The following NUP107 variants were observed in gnomAD, a reference collection of about 807,000 sequenced individuals.
NUP107 encodes nuclear pore complex protein Nup107.
NUP107 carries 101 observed loss-of-function variants against 141.0 expected under a neutral mutation model. The observed-to-expected ratio is 0.72, with a 90% CI of 0.61 to 0.84. The LOEUF is 0.84. Ranked by LOEUF, NUP107 falls within the 40% of genes least tolerant of loss-of-function variation. The pLI, the probability that NUP107 is intolerant of heterozygous loss-of-function variation, is 0.00. For synonymous variants in NUP107, 319 were observed against 363.9 expected, an observed-to-expected ratio of 0.88 and a Z score of 1.41; for missense variants, 941 against 1,102.7, an observed-to-expected ratio of 0.85 and a Z score of 2.08.
At chr12:68,709,687 G>A (rs775501894) in intron 9 of NUP107, among the ~76,000 whole-genome samples, 9 of 151,816 alleles carry the variant, frequency 5.9e-5, no homozygotes, top group South Asian at 2.1e-4. Context: ...TCAGGAGATC[G>A]AGACCATCTG....
At position 68,696,840 on chromosome 12, in the gene NUP107, A is replaced by G; in HGVS notation, c.470A>G (p.Asp157Gly). The change falls in exon 6 of 28, where the codon GAT (aspartate) becomes GGT (glycine). Residue 157 changes from aspartate to glycine, a missense_variant. Physicochemically the swap from Asp to Gly is moderately conservative, Grantham distance 94 (BLOSUM62 -1). Coordinates refer to ENST00000229179, the MANE Select transcript of NUP107 (RefSeq NM_020401.4). ...GEAASMSMFSDFLQSFLKHSS... is the reference protein window; with the variant it reads ...GEAASMSMFSGFLQSFLKHSS... ...CTAGCATCCATGAGTATGTTTTCTG[A>G]TTTCCTGCAGTCTTTTCTGAAGCAC... The G allele has an allele frequency of 3.2e-6, 5 of 1,586,482 alleles. No homozygotes were observed. The highest frequency in any genetic ancestry group is 3.4e-6 in the Non-Finnish European group (4 of 1,168,562).
intron 8 of NUP107, among the ~76,000 whole-genome samples, chr12:68,708,661 C>T (rs1169563465): frequency 6.6e-6 from 1 of 151,856 alleles, no homozygotes; most frequent in Non-Finnish European, 1.5e-5. Flanking sequence ...ACTCTGTCAC[C>T]CAGGCTGGAG....
intron 26 of NUP107, among the ~76,000 whole-genome samples, chr12:68,736,583 T>TTTTG (rs199530439): frequency 6.6e-6 from 1 of 151,862 alleles, no homozygotes; most frequent in East Asian, 1.9e-4. Flanking sequence ...TGCCTGGCTT[T>TTTTG]TTTGTTTGTT....
chr12:68,696,222 G>C (rs1455887714), intron 5 of NUP107, among the ~76,000 whole-genome samples: 1 of 151,838 alleles, frequency 6.6e-6, no homozygotes, highest in African/African-American at 2.4e-5. Context: ...CAAGTTGGCT[G>C]GGCATGGTGG....
In NUP107 at chr12:68,689,016, G is replaced by T. The variant is rs915549554; in HGVS notation, c.63G>T (p.Arg21=). The change falls in exon 2 of 28, where the codon CGG becomes CGT. Residue 21 remains arginine (R), a synonymous_variant. Coordinates refer to ENST00000229179, the MANE Select transcript of NUP107 (RefSeq NM_020401.4). ...TAATCCGGGAGGCAGAGGTGACACG[G>T]ACTGCACGGAAACAGAGTGCTCAGA... ...SPVIREAEVT[R]TARKQSAQKR... The T allele has an allele frequency of 1.3e-5, 21 of 1,613,662 alleles. No individual in the cohort carries two copies. In the African/African-American group the frequency reaches 2.8e-4, roughly 22 times the overall value.
At chr12:68,727,273 T>C in intron 19 of NUP107, 78 bp from the exon 20 acceptor site, 1 of 717,640 alleles carries the variant, frequency 1.4e-6, no homozygotes, top group East Asian at 2.6e-5. Flanking sequence ...AATTATTTAA[T>C]AATGGAATTT....
At chr12:68,723,262 C>G (rs1877427959) in intron 17 of NUP107, among the ~76,000 whole-genome samples, 1 of 151,930 alleles carries the variant, frequency 6.6e-6, no homozygotes, top group Non-Finnish European at 1.5e-5. Flanking sequence ...CCCAGCTCCT[C>G]CAGAGGCTGA....
At position 68,726,551 on chromosome 12, in the gene NUP107, T is replaced by G. The variant is rs1877572048; in HGVS notation, c.1629T>G (p.Pro543=). Residue 543 remains proline (P), a synonymous_variant, in exon 19 of 28, where the codon CCT becomes CCG. Transcript: ENST00000229179. ...KWLSKSRNNL[P]GHLLRFMTHL... ...TTTCCAAAAGCAGAAACAATCTACCTGGACACCTGCTTCGCTTTATGACTC... is the reference window on the plus strand; with the variant it reads ...TTTCCAAAAGCAGAAACAATCTACCGGGACACCTGCTTCGCTTTATGACTC... 3 of 1,614,088 alleles carry G rather than the reference T, an allele frequency of 1.9e-6. No individual in the cohort carries two copies. The highest frequency in any genetic ancestry group is 2.5e-6 in the Non-Finnish European group (3 of 1,179,984).
At chr12:68,699,157 G>C (rs1382314136) in intron 6 of NUP107, among the ~76,000 whole-genome samples, 1 of 152,060 alleles carries the variant, frequency 6.6e-6, no homozygotes, top group Non-Finnish European at 1.5e-5. Flanking sequence ...GATTACCTTA[G>C]GTCAGGAGTT....
At chr12:68,705,486 G>A (rs1876532511) in intron 8 of NUP107, 1 of 259,538 alleles carries the variant, frequency 3.9e-6, no homozygotes, top group Non-Finnish European at 7.6e-6. Context: ...TTATATGTGG[G>A]TTCCACATCC....
chr12:68,733,732 T>A, intron 24 of NUP107, 120 bp downstream of exon 24: 1 of 902,552 alleles, frequency 1.1e-6, no homozygotes, highest in Non-Finnish European at 1.7e-6. Flanking sequence ...CTTGTGACTA[T>A]AGTGCTGACT....
In NUP107 at chr12:68,739,564, G is replaced by A. The variant is rs758875276; in HGVS notation, c.2503-2249G>A. 2.6e-5 allele frequency among the ~76,000 whole-genome samples: 4 copies of A among 152,206 alleles called. No individual in the cohort carries two copies. The East Asian group carries it at 7.7e-4, about 29-fold the overall frequency. The stretch of plus-strand genomic sequence containing the variant: ...CATGTAAGGCACTACATGGGGGGGC[G>A]CGGTGGCTCACGCCTGTAATCCCAG... On this transcript the variant is annotated intron_variant, in intron 26 of 27. Transcript: ENST00000229179.
chr12:68,711,367 A>AATAT (rs1185127266), intron 10 of NUP107, among the ~76,000 whole-genome samples: 2 of 151,642 alleles, frequency 1.3e-5, no homozygotes, highest in African/African-American at 4.8e-5. Context: ...TAAATAAATA[A>AATAT]ATAAAATAAA....
Position 68,735,264 on chromosome 12 carries a change from G to A in NUP107, c.2422G>A (p.Ala808Thr), listed in dbSNP as rs1310959025. Residue 808 changes from alanine (A) to threonine (T), a missense_variant, in exon 26 of 28, where the codon GCC (alanine) becomes ACC (threonine). Physicochemically the swap from Ala to Thr is moderately conservative, Grantham distance 58. Coordinates refer to ENST00000229179, the MANE Select transcript of NUP107 (RefSeq NM_020401.4). Reference sequence around the variant, plus strand: ...TGGTATTTGGAAAGGGCATTTGGATGCCCTAACTGCTGATGTGAAGGAGAA... The same window carrying A: ...TGGTATTTGGAAAGGGCATTTGGATACCCTAACTGCTGATGTGAAGGAGAA... ...DFGIWKGHLDALTADVKEKMY... is the reference protein window; with the variant it reads ...DFGIWKGHLDTLTADVKEKMY... 6.2e-7 allele frequency: 1 copy of A among 1,613,948 alleles called. No individual in the cohort carries two copies. Among genetic ancestry groups the A allele is most frequent in the Non-Finnish European group, 8.5e-7 (1 of 1,179,844 alleles).
In NUP107 at chr12:68,745,561, G is replaced by A. The variant is rs991494377; in HGVS notation, c.*3099G>A. 6.6e-6 allele frequency: 1 copy of A among 152,140 alleles called. No homozygotes were observed. Among genetic ancestry groups the A allele is most frequent in the Non-Finnish European group, 1.5e-5 (1 of 68,038 alleles). The allele number at this position is 152,140 out of a possible 1,614,324, so 9.4% of individuals were successfully genotyped here. A position where few individuals can be genotyped will look rare whatever the true frequency, so the allele number is the denominator to read the frequency against. ...ATATATATATTTGTATGCACCCCTA[G>A]AGACAGCTGTATATATATACGGTTT... is the stretch of plus-strand genomic sequence containing the variant. On this transcript the variant is annotated 3_prime_UTR_variant, in exon 28 of 28. Transcript: ENST00000229179.
chr12:68,700,886 A>T, intron 7 of NUP107, 33 bp downstream of exon 7: 1 of 1,522,680 alleles, frequency 6.6e-7, no homozygotes. Context: ...AGTGAAATAA[A>T]CATAAGGTAA....
At chr12:68,690,096 C>T (rs1165696620) in intron 3 of NUP107, among the ~76,000 whole-genome samples, 2 of 151,688 alleles carry the variant, frequency 1.3e-5, no homozygotes, top group East Asian at 3.9e-4. Flanking sequence ...AGGAGAATTG[C>T]TTGAACCCGG....
Position 68,697,465 on chromosome 12 carries a change from A to G in NUP107, c.552+543A>G, listed in dbSNP as rs530909508. On this transcript the variant is annotated intron_variant, in intron 6 of 27. Coordinates refer to ENST00000229179, the MANE Select transcript of NUP107 (RefSeq NM_020401.4). The stretch of plus-strand genomic sequence containing the variant: ...TACGAGGAATATTTAGAACTCAACA[A>G]TAAGAAATGAGGGTGGGGGGAGGGA... Among the ~76,000 whole-genome samples the G allele has an allele frequency of 8.8e-5, 10 of 114,154 alleles. No homozygotes were observed. The Admixed American group carries it at 1.2e-3, about 13-fold the overall frequency. The allele number at this position is 114,154 out of a possible 152,430, so 74.9% of individuals were successfully genotyped here.
Position 68,733,576 on chromosome 12 carries a change from T to A in NUP107, c.2226T>A (p.Asn742Lys). The A allele has an allele frequency of 6.2e-7, 1 of 1,612,352 alleles. No individual in the cohort carries two copies. The highest frequency in any genetic ancestry group is 8.5e-7 in the Non-Finnish European group (1 of 1,178,958). The part of the protein sequence containing the change: ...MESPLPAEDD[N>K]AIREHLCIRA... ...GTCCACTTCCTGCTGAAGATGATAATGCTATCCGAGAACATTTGTGCATCA... is the reference window on the plus strand; with the variant it reads ...GTCCACTTCCTGCTGAAGATGATAAAGCTATCCGAGAACATTTGTGCATCA... The change falls in exon 24 of 28, where the codon AAT becomes AAA. Residue 742 changes from asparagine to lysine, a missense_variant. Coordinates refer to ENST00000229179, the MANE Select transcript of NUP107 (RefSeq NM_020401.4).
Sources: allele counts gnomAD v4.1 joint callset (sites outside exome capture counted in the v4.1 genomes callset), GRCh38; gene constraint gnomAD v4.1.1; transcripts MANE v1.5; gene names NCBI Gene and HGNC (gene_info 2026-07-23, HGNC 2026-07-21).